The following XRN1 variants were observed in gnomAD, a reference collection of about 807,000 sequenced individuals.
XRN1 encodes the protein strand-exchange protein 1 homolog.
A neutral mutation model predicts 222.3 loss-of-function variants in XRN1; 67 were observed. The ratio of observed to expected loss-of-function variants is 0.30; its 90% CI spans 0.25 to 0.37. XRN1 has a LOEUF of 0.37. XRN1 is among the 10% of genes least tolerant of loss of function. XRN1 has a pLI of 1.00. For missense variants in XRN1, 1,707 were observed against 2,000.2 expected, an observed-to-expected ratio of 0.85 and a Z score of 2.80; for synonymous variants, 643 against 652.4, an observed-to-expected ratio of 0.99 and a Z score of 0.22.
intron 27 of XRN1, among the ~76,000 whole-genome samples, chr3:142,369,314 C>G (rs1435319933): frequency 6.6e-6 from 1 of 152,038 alleles, no homozygotes; most frequent in Non-Finnish European, 1.5e-5. Context: ...TGAGGGAGTT[C>G]AAAAATTTTT....
intron 2 of XRN1, among the ~76,000 whole-genome samples, chr3:142,432,022 AATAT>A (rs1380920740): frequency 0.01 from 826 of 79,346 alleles, 20 homozygotes; most frequent in African/African-American, 0.045. Flanking sequence ...ATATTTTTTT[AATAT>A]ATATAATCTT....
intron 19 of XRN1, among the ~76,000 whole-genome samples, chr3:142,400,216 A>G (rs1248398892): frequency 6.6e-6 from 1 of 152,230 alleles, no homozygotes. Context: ...CTTCCAAGAA[A>G]TTAAAAGGGA....
In XRN1 at chr3:142,322,251, C is replaced by G. The variant is rs528577584; in HGVS notation, c.4405-3348G>C. Among the ~76,000 whole-genome samples the G allele has an allele frequency of 7.9e-4, 120 of 152,282 alleles. 1 individual carries two copies. Among genetic ancestry groups the G allele is most frequent in the South Asian group, 4.4e-3 (21 of 4,824 alleles). ...TATTTTTTAGAGTTGGGGTCTCACT[C>G]TGTTGCCCAGGCTGGAGTACAGTGG... On this transcript the variant is annotated intron_variant, in intron 37 of 40. Transcript: ENST00000392981.
chr3:142,426,880 A>G (rs761222625), intron 2 of XRN1, 39 bp from the exon 3 acceptor site: 9 of 1,538,776 alleles, frequency 5.8e-6, no homozygotes, highest in African/African-American at 5.8e-5. Context: ...AAGTTTTCTG[A>G]AAAAAAGTGA....
intron 20 of XRN1, among the ~76,000 whole-genome samples, chr3:142,392,318 G>A (rs1418879084): frequency 7.8e-6 from 1 of 128,968 alleles, no homozygotes; most frequent in Non-Finnish European, 1.6e-5. Context: ...ACCTAAGCCA[G>A]CAATTTCTTT....
At chr3:142,397,496 GTT>G (rs761138854) in intron 19 of XRN1, 36 bp from the exon 20 acceptor site, 1 of 1,534,186 alleles carries the variant, frequency 6.5e-7, no homozygotes, top group South Asian at 1.3e-5. Context: ...TAACCAAAAT[GTT>G]CTGGTTTAAT....
rs540562230 is a variant in XRN1, at chr3:142,363,626, G to T, written c.3394+1421C>A. Among the ~76,000 whole-genome samples the T allele has an allele frequency of 1.5e-3, 218 of 149,364 alleles. 7 individuals carry two copies. Among genetic ancestry groups the T allele is most frequent in the African/African-American group, 5.1e-3 (200 of 39,366 alleles). On this transcript the variant is annotated intron_variant, in intron 29 of 40. Coordinates refer to ENST00000392981, the MANE Select transcript of XRN1 (RefSeq NM_001282857.2). ...GTAAAGTTTACTCTAGCTTTGTAAA[G>T]TTTACTCTAGCTTTGTAAAGTTTAC...
chr3:142,389,461 G>A (rs1156895578), intron 20 of XRN1, among the ~76,000 whole-genome samples: 2 of 152,082 alleles, frequency 1.3e-5, no homozygotes, highest in Non-Finnish European at 2.9e-5. Flanking sequence ...AATCATGAAT[G>A]TTCTTAATGG....
At chr3:142,410,007 C>T (rs2068502930) in intron 15 of XRN1, among the ~76,000 whole-genome samples, 1 of 152,150 alleles carries the variant, frequency 6.6e-6, no homozygotes, top group East Asian at 1.9e-4. Context: ...TGTAACCTTG[C>T]TAAAGTTACT....
chr3:142,409,340 G>C (rs1238686189), intron 15 of XRN1, among the ~76,000 whole-genome samples: 2 of 152,096 alleles, frequency 1.3e-5, no homozygotes, highest in Non-Finnish European at 2.9e-5. Flanking sequence ...TTTGAATTAA[G>C]TTTTGTGTAT....
At chr3:142,442,627 C>T (rs1178762162) in intron 1 of XRN1, among the ~76,000 whole-genome samples, 2 of 152,230 alleles carry the variant, frequency 1.3e-5, no homozygotes, top group Admixed American at 6.5e-5. Context: ...TTATTATTTA[C>T]TGGACCAGGC....
At chr3:142,360,827 C>CT (rs1253687659) in intron 29 of XRN1, among the ~76,000 whole-genome samples, 1 of 144,042 alleles carries the variant, frequency 6.9e-6, no homozygotes, top group Non-Finnish European at 1.5e-5. Context: ...TGAGCTTAGA[C>CT]TGCATCACTG....
chr3:142,348,925 C>T (rs1394602431), intron 32 of XRN1, among the ~76,000 whole-genome samples: 1 of 151,952 alleles, frequency 6.6e-6, no homozygotes, highest in African/African-American at 2.4e-5. Context: ...CAGGCATGAG[C>T]CACTGTGCCC....
At chr3:142,441,875 C>T (rs764693734) in intron 1 of XRN1, among the ~76,000 whole-genome samples, 1 of 152,194 alleles carries the variant, frequency 6.6e-6, no homozygotes, top group Non-Finnish European at 1.5e-5. Context: ...CTTGACGGAT[C>T]CTGACCTCAA....
intron 15 of XRN1, among the ~76,000 whole-genome samples, chr3:142,411,194 C>G (rs1343976527): frequency 6.6e-6 from 1 of 152,144 alleles, no homozygotes; most frequent in South Asian, 2.1e-4. Flanking sequence ...CCTCTTCATT[C>G]CCAATATTGG....
chr3:142,418,655 C>G (rs950633461), intron 11 of XRN1, 46 bp from the exon 12 acceptor site: 2 of 1,497,814 alleles, frequency 1.3e-6, no homozygotes, highest in Non-Finnish European at 1.8e-6. Flanking sequence ...TTATGAATAG[C>G]CTGTTTTTCC....
intron 15 of XRN1, among the ~76,000 whole-genome samples, chr3:142,409,037 T>C (rs946688565): frequency 5.3e-5 from 8 of 152,216 alleles, no homozygotes; most frequent in South Asian, 2.1e-4. Context: ...ATTTAAAAAA[T>C]TGGGTTGTGT....
intron 23 of XRN1, among the ~76,000 whole-genome samples, chr3:142,377,337 A>C (rs2067175705): frequency 6.6e-6 from 1 of 152,210 alleles, no homozygotes; most frequent in African/African-American, 2.4e-5. Context: ...GTACATAACA[A>C]TAAAACATAC....
Position 142,403,693 on chromosome 3 carries a change from T to A in XRN1, c.2084A>T (p.Asp695Val), listed in dbSNP as rs749127897. Residue 695 changes from aspartate to valine, a missense_variant, in exon 18 of 41, where the codon GAT (aspartate) becomes GTT (valine). Physicochemically the swap from Asp to Val is radical, Grantham distance 152. This residue lies in a region of XRN1 where 1,234 missense variants were observed against 1,518.2 expected (regional missense o/e 0.81). Transcript: ENST00000392981. ...GENMMLEILVDAESDELTVEN... is the reference protein window; with the variant it reads ...GENMMLEILVVAESDELTVEN... The stretch of plus-strand genomic sequence containing the variant: ...ACTTACAAGTTCATCTGATTCTGCA[T>A]CCACTAAGATTTCCAACATCATGTT... 1.9e-6 allele frequency: 3 copies of A among 1,613,158 alleles called. No homozygotes were observed. Among genetic ancestry groups the A allele is most frequent in the South Asian group, 2.2e-5 (2 of 90,900 alleles).
Sources: gnomAD v4.1 joint callset for allele counts (sites outside exome capture counted in the v4.1 genomes callset) on GRCh38, gnomAD v4.1.1 for gene constraint, gnomAD v4.1.1 regional missense constraint, MANE v1.5 for transcripts, NCBI Gene and HGNC (gene_info 2026-07-23, HGNC 2026-07-21) for gene names.